The following MSI2 variants were observed in gnomAD, a reference collection of about 807,000 sequenced individuals.
The protein encoded by MSI2 is RNA-binding protein Musashi homolog 2.
MSI2 carries 17 observed loss-of-function variants against 45.6 expected under a neutral mutation model. That is an observed-to-expected ratio of 0.37 (90% CI 0.26 to 0.56). The LOEUF (loss-of-function observed/expected upper bound fraction) is 0.56. Among genes scored for constraint, MSI2 ranks in the 20% least tolerant of loss-of-function variants. The pLI is 0.77. For synonymous variants in MSI2, 156 were observed against 158.2 expected (o/e 0.99, Z 0.11); for missense variants, 293 against 444.2 (o/e 0.66, Z 3.06).
At chr17:57,614,928 C>T (rs377625742) in intron 8 of MSI2, among the ~76,000 whole-genome samples, 9 of 152,040 alleles carry the variant, frequency 5.9e-5, no homozygotes, top group Non-Finnish European at 1.2e-4. Flanking sequence ...GATTAGCAAC[C>T]ACTTGAAAAT....
At chr17:57,614,788 G>T (rs1437311268) in intron 8 of MSI2, among the ~76,000 whole-genome samples, 2 of 152,166 alleles carry the variant, frequency 1.3e-5, no homozygotes, top group African/African-American at 4.8e-5. Context: ...GAGCTTCCGA[G>T]GGCCACAGTT....
chr17:57,298,040 ATT>A (rs368609264), intron 5 of MSI2, among the ~76,000 whole-genome samples: 14 of 143,838 alleles, frequency 9.7e-5, no homozygotes, highest in South Asian at 2.2e-4. Flanking sequence ...GTTAATGCTG[ATT>A]TTTTTTTTTT....
At chr17:57,699,182 A>T in the MSI2 span, among the ~76,000 whole-genome samples, 14,259 of 24,466 alleles carry the variant, frequency 0.58, 4,205 homozygotes, top group South Asian at 0.68. Flanking sequence ...AGAGAGAGAG[A>T]GTGTGTGTGT....
At chr17:57,546,628 G>C (rs1221862012) in intron 7 of MSI2, among the ~76,000 whole-genome samples, 1 of 152,172 alleles carries the variant, frequency 6.6e-6, no homozygotes, top group Non-Finnish European at 1.5e-5. Context: ...AGCCAGGGAC[G>C]ACCAGGCTGT....
rs150604351 is a variant in MSI2 at position 57,473,729 on chromosome 17, T to A, written c.406-55947T>A. On this transcript the variant is annotated intron_variant, in intron 6 of 13. Transcript: ENST00000284073. ...AGAGGATGTTTGGTTGCCCCTGGAATCCAGCTACTACCCACCTTGTCTGGA... is the reference window on the plus strand; with the variant it reads ...AGAGGATGTTTGGTTGCCCCTGGAAACCAGCTACTACCCACCTTGTCTGGA... 2.1e-3 allele frequency among the ~76,000 whole-genome samples: 317 copies of A among 152,256 alleles called. 3 individuals are homozygous for A. The South Asian group carries it at 0.025, about 12-fold the overall frequency.
At chr17:57,493,563 T>C (rs2143820661) in intron 6 of MSI2, among the ~76,000 whole-genome samples, 1 of 151,578 alleles carries the variant, frequency 6.6e-6, no homozygotes, top group Non-Finnish European at 1.5e-5. Context: ...TGGGTCATAA[T>C]GTTTTAAGGA....
chr17:57,599,584 G>A (rs542174603), intron 8 of MSI2, among the ~76,000 whole-genome samples: 52 of 152,336 alleles, frequency 3.4e-4, no homozygotes, highest in Admixed American at 3.4e-3. Flanking sequence ...TTAGTGTAAG[G>A]GTTTGTGTTT....
At chr17:57,649,232 C>T (rs779717643) in intron 10 of MSI2, among the ~76,000 whole-genome samples, 2 of 151,996 alleles carry the variant, frequency 1.3e-5, no homozygotes, top group Non-Finnish European at 2.9e-5. Flanking sequence ...CCAATACATA[C>T]ATACACTCAA....
At chr17:57,420,648 A>T (rs1284580567) in intron 6 of MSI2, among the ~76,000 whole-genome samples, 1 of 152,210 alleles carries the variant, frequency 6.6e-6, no homozygotes, top group Non-Finnish European at 1.5e-5. Context: ...CTTTGACACC[A>T]GGAGCTGAGC....
intron 6 of MSI2, among the ~76,000 whole-genome samples, chr17:57,459,073 T>C (rs2085173382): frequency 6.6e-6 from 1 of 152,254 alleles, no homozygotes; most frequent in Non-Finnish European, 1.5e-5. Context: ...GCCAATGCTC[T>C]TTAATGTTTT....
chr17:57,412,173 G>A (rs925882266), intron 6 of MSI2, among the ~76,000 whole-genome samples: 3 of 151,512 alleles, frequency 2.0e-5, no homozygotes, highest in African/African-American at 7.3e-5. Flanking sequence ...AAGTAGCTGG[G>A]TTTACAGGCG....
intron 6 of MSI2, among the ~76,000 whole-genome samples, chr17:57,469,680 G>C (rs2085396673): frequency 6.6e-6 from 1 of 152,248 alleles, no homozygotes; most frequent in Non-Finnish European, 1.5e-5. Flanking sequence ...GGGTTGGTGA[G>C]AGACTAGAGC....
chr17:57,523,722 T>C (rs2086642375), intron 6 of MSI2: 2 of 152,376 alleles, frequency 1.3e-5, no homozygotes, highest in South Asian at 2.1e-4. Context: ...GAATGTTCCA[T>C]GAAGAGCGTG....
intron 5 of MSI2, chr17:57,279,216 C>T (rs71387491): frequency 0.015 from 2,222 of 152,438 alleles, 39 homozygotes; most frequent in East Asian, 0.065. Context: ...AGCCTATCCT[C>T]TGGCTGCTCC....
intron 11 of MSI2, among the ~76,000 whole-genome samples, chr17:57,653,741 T>TCCCCA: frequency 1.3e-5 from 2 of 152,120 alleles, no homozygotes; most frequent in South Asian, 2.1e-4. Context: ...CCTGCCTCTC[T>TCCCCA]CCCCACCCCA....
intron 5 of MSI2, among the ~76,000 whole-genome samples, chr17:57,303,026 G>T (rs1197314500): frequency 6.6e-6 from 1 of 152,182 alleles, no homozygotes; most frequent in Non-Finnish European, 1.5e-5. Flanking sequence ...GGACCACCAG[G>T]CTCCAGCTGG....
intron 5 of MSI2, among the ~76,000 whole-genome samples, chr17:57,277,589 G>A (rs1485194730): frequency 2.0e-5 from 3 of 152,226 alleles, no homozygotes; most frequent in Non-Finnish European, 4.4e-5. Flanking sequence ...GCTGATTAGG[G>A]CTTAAGAGAA....
At chr17:57,446,625 G>A (rs924998170) in intron 6 of MSI2, among the ~76,000 whole-genome samples, 5 of 152,212 alleles carry the variant, frequency 3.3e-5, no homozygotes, top group Admixed American at 1.3e-4. Flanking sequence ...TCAAGCATCC[G>A]TTCAACTCTG....
At chr17:57,581,227 G>A (rs2088198739) in intron 7 of MSI2, among the ~76,000 whole-genome samples, 3 of 151,972 alleles carry the variant, frequency 2.0e-5, no homozygotes, top group Admixed American at 6.6e-5. Flanking sequence ...TGGCCAGGCT[G>A]GTCTTGAACT....
Sources: gnomAD v4.1 joint callset for allele counts (sites outside exome capture counted in the v4.1 genomes callset) on GRCh38, gnomAD v4.1.1 for gene constraint, MANE v1.5 for transcripts, NCBI Gene and HGNC (gene_info 2026-07-23, HGNC 2026-07-21) for gene names.